The following JPH2 variants were observed in gnomAD, a reference collection of about 807,000 sequenced individuals.
JPH2 encodes junctophilin 2.
In JPH2, 38 loss-of-function variants were observed where a neutral mutation model predicts 55.9. That is an observed-to-expected ratio of 0.68 (90% CI 0.52 to 0.89). The LOEUF (loss-of-function observed/expected upper bound fraction) is 0.89, where lower values mean the gene tolerates loss of function less well. JPH2 is among the 40% of genes least tolerant of loss of function. JPH2 has a pLI of 0.00. For missense variants in JPH2, 964 were observed against 1,037.6 expected (o/e 0.93, Z 0.97); for synonymous variants, 480 against 472.4 (o/e 1.02, Z -0.21).
At chr20:44,134,874 ATTT>A (rs2072395012) in intron 2 of JPH2, among the ~76,000 whole-genome samples, 2 of 25,086 alleles carry the variant, frequency 8.0e-5, no homozygotes, top group South Asian at 2.0e-3. Flanking sequence ...AAATATATAT[ATTT>A]ATATATATAT....
chr20:44,128,616 A>G (rs2072293597), intron 2 of JPH2, among the ~76,000 whole-genome samples: 1 of 152,112 alleles, frequency 6.6e-6, no homozygotes. Flanking sequence ...TGGCTTCCTC[A>G]AAGAAAATTT....
intron 2 of JPH2, among the ~76,000 whole-genome samples, chr20:44,137,847 CA>C (rs1403745870): frequency 3.3e-5 from 5 of 152,184 alleles, no homozygotes; most frequent in Non-Finnish European, 7.4e-5. Context: ...TTCTCTCTGA[CA>C]CTGGGAAGAG....
intron 2 of JPH2, among the ~76,000 whole-genome samples, chr20:44,123,070 C>A (rs892662975): frequency 2.0e-5 from 3 of 152,162 alleles, no homozygotes; most frequent in African/African-American, 7.2e-5. Context: ...TCTGGGGGAC[C>A]CACTGTGCAC....
intron 1 of JPH2, chr20:44,177,923 G>T: frequency 6.9e-7 from 1 of 1,450,804 alleles, no homozygotes; most frequent in Non-Finnish European, 9.7e-7. Flanking sequence ...GTGCTTCATT[G>T]TCTTGTTTCA....
intron 1 of JPH2, among the ~76,000 whole-genome samples, chr20:44,181,087 G>A (rs1028194628): frequency 6.6e-6 from 1 of 152,132 alleles, no homozygotes; most frequent in Non-Finnish European, 1.5e-5. Flanking sequence ...GGGTTTGGGA[G>A]GCCAGAGCTC....
At chr20:44,143,578 C>T (rs1003283862) in intron 2 of JPH2, among the ~76,000 whole-genome samples, 3 of 152,202 alleles carry the variant, frequency 2.0e-5, no homozygotes, top group African/African-American at 7.2e-5. Flanking sequence ...GCAGTGATGC[C>T]TCAATAACAC....
chr20:44,158,136 G>A (rs1435692624), intron 2 of JPH2, among the ~76,000 whole-genome samples: 1 of 152,206 alleles, frequency 6.6e-6, no homozygotes, highest in Non-Finnish European at 1.5e-5. Context: ...AATCATGTAA[G>A]TCATGTAAAG....
chr20:44,122,961 C>T (rs1391946825), intron 2 of JPH2, among the ~76,000 whole-genome samples: 7 of 151,980 alleles, frequency 4.6e-5, no homozygotes, highest in African/African-American at 1.5e-4. Flanking sequence ...TTTTTTTGGT[C>T]ATGTGAGCAG....
rs1425693454 is a variant in JPH2 at position 44,186,916 on chromosome 20, C to A, written c.-211G>T. The A allele has an allele frequency of 3.3e-6, 2 of 600,884 alleles. No homozygotes were observed. The highest frequency in any genetic ancestry group is 5.9e-6 in the Non-Finnish European group (2 of 338,646). The allele number at this position is 600,884 out of a possible 1,614,324, so 37.2% of individuals were successfully genotyped here. On this transcript the variant is annotated 5_prime_UTR_variant, in exon 1 of 6. Transcript: ENST00000372980. The stretch of plus-strand genomic sequence containing the variant: ...GGCTAGTCAGTGCCATGCCCGGGAG[C>A]CCCGACTCCACCAGCCAGAGCAAGG...
chr20:44,179,159 G>C (rs2072759998), intron 1 of JPH2, among the ~76,000 whole-genome samples: 1 of 152,154 alleles, frequency 6.6e-6, no homozygotes, highest in African/African-American at 2.4e-5. Context: ...GCCATACCCT[G>C]TTCTAAGAGC....
At chr20:44,139,360 CA>C (rs1188122079) in intron 2 of JPH2, among the ~76,000 whole-genome samples, 1 of 152,072 alleles carries the variant, frequency 6.6e-6, no homozygotes, top group Non-Finnish European at 1.5e-5. Context: ...AGAGATATAC[CA>C]ACCCATGGGT....
At chr20:44,162,745 CATATATATATATATATATATATATATAT>C (rs1157323951) in intron 1 of JPH2, among the ~76,000 whole-genome samples, 5 of 52,468 alleles carry the variant, frequency 9.5e-5, no homozygotes, top group African/African-American at 3.4e-4. Flanking sequence ...AATAAACTTC[CATATATATATATATATATATATATATAT>C]ATATATATAT....
At chr20:44,122,826 C>T (rs1001950894) in intron 2 of JPH2, among the ~76,000 whole-genome samples, 8 of 152,122 alleles carry the variant, frequency 5.3e-5, no homozygotes, top group African/African-American at 1.7e-4. Flanking sequence ...CTTATTTTTG[C>T]CTGCACGTGA....
intron 2 of JPH2, among the ~76,000 whole-genome samples, chr20:44,143,431 T>C (rs940089619): frequency 6.6e-6 from 1 of 152,232 alleles, no homozygotes; most frequent in Non-Finnish European, 1.5e-5. Flanking sequence ...GAGCCTGCTC[T>C]GAGGCTGCAG....
intron 2 of JPH2, among the ~76,000 whole-genome samples, chr20:44,127,213 T>C (rs775744666): frequency 6.6e-6 from 1 of 152,232 alleles, no homozygotes; most frequent in African/African-American, 2.4e-5. Flanking sequence ...CAATAGTTGA[T>C]GGACATTAGG....
chr20:44,135,550 C>A (rs554675102), intron 2 of JPH2, among the ~76,000 whole-genome samples: 1 of 152,344 alleles, frequency 6.6e-6, no homozygotes, highest in South Asian at 2.1e-4. Flanking sequence ...CTGCATTTCG[C>A]TTCCAAGGTC....
intron 2 of JPH2, among the ~76,000 whole-genome samples, chr20:44,142,398 C>T (rs1328097125): frequency 6.6e-6 from 1 of 152,196 alleles, no homozygotes; most frequent in Non-Finnish European, 1.5e-5. Flanking sequence ...CCTCCCCACG[C>T]TCTCTCCGGC....
chr20:44,108,279 T>C lies in JPH2; in HGVS notation c.*5239A>G, dbSNP rs967768049. On this transcript the variant is annotated 3_prime_UTR_variant, in exon 6 of 6. Coordinates refer to ENST00000372980, the MANE Select transcript of JPH2 (RefSeq NM_020433.5). ...TCCCAGATTCCTTCCTATGTCCCTT[T>C]CCCTTGGCTGGTTCTGATTCGCATT... Among the ~76,000 whole-genome samples the C allele has an allele frequency of 6.6e-6, 1 of 152,212 alleles. No individual in the cohort carries two copies. Among genetic ancestry groups the C allele is most frequent in the African/African-American group, 2.4e-5 (1 of 41,456 alleles).
chr20:44,144,508 G>C (rs1294116101), intron 2 of JPH2, among the ~76,000 whole-genome samples: 2 of 152,156 alleles, frequency 1.3e-5, no homozygotes, highest in Non-Finnish European at 2.9e-5. Flanking sequence ...CACTTGGTGG[G>C]CAAGTAACAG....
Sources: allele counts gnomAD v4.1 joint callset (sites outside exome capture counted in the v4.1 genomes callset), GRCh38; gene constraint gnomAD v4.1.1; transcripts MANE v1.5; gene names NCBI Gene and HGNC (gene_info 2026-07-23, HGNC 2026-07-21).